CDH4: variants seen among roughly 807,000 people sequenced by gnomAD.
CDH4 encodes the protein cadherin-4.
A neutral mutation model predicts 86.0 loss-of-function variants in CDH4; 33 were observed. The observed-to-expected ratio is 0.38, with a 90% confidence interval of 0.29 to 0.51. CDH4 has a LOEUF of 0.51. Among genes scored for constraint, CDH4 ranks in the 20% least tolerant of loss-of-function variants. The probability of loss-of-function intolerance (pLI) is 0.86; values close to 1 mark genes in which losing one functional copy is unlikely to be tolerated. For missense variants in CDH4, 1,114 were observed against 1,307.4 expected (o/e 0.85, Z 2.28); for synonymous variants, 555 against 549.4 (o/e 1.01, Z -0.14).
At chr20:61,360,273 C>T (rs1191122061) in intron 2 of CDH4, among the ~76,000 whole-genome samples, 1 of 152,202 alleles carries the variant, frequency 6.6e-6, no homozygotes, top group African/African-American at 2.4e-5. Context: ...CCTTGAGGAT[C>T]TTTCCAGGGT....
At chr20:61,280,007 G>A (rs546237004) in intron 2 of CDH4, among the ~76,000 whole-genome samples, 49 of 152,274 alleles carry the variant, frequency 3.2e-4, no homozygotes, top group Middle Eastern at 3.4e-3. Context: ...TGACTCCATC[G>A]GTGGGGTTGC....
chr20:61,739,889 T>C (rs1221742049), intron 2 of CDH4, among the ~76,000 whole-genome samples: 1 of 152,210 alleles, frequency 6.6e-6, no homozygotes, highest in East Asian at 1.9e-4. Flanking sequence ...TCCAGCCACA[T>C]TCGTAGAGAG....
intron 2 of CDH4, among the ~76,000 whole-genome samples, chr20:61,301,192 G>A (rs13041598): frequency 6.6e-6 from 1 of 152,248 alleles, no homozygotes; most frequent in East Asian, 1.9e-4. Flanking sequence ...GTGGTCACTA[G>A]AAAGTGAAGG....
intron 2 of CDH4, among the ~76,000 whole-genome samples, chr20:61,583,528 G>A (rs1390664467): frequency 6.6e-6 from 1 of 152,170 alleles, no homozygotes; most frequent in African/African-American, 2.4e-5. Context: ...CAGCTGCGAG[G>A]TGGAGCTGAG....
At chr20:61,448,733 G>A (rs922585453) in intron 2 of CDH4, among the ~76,000 whole-genome samples, 4 of 152,004 alleles carry the variant, frequency 2.6e-5, no homozygotes, top group African/African-American at 4.8e-5. Context: ...ACTTTTCCTC[G>A]CGTGCACGTG....
intron 2 of CDH4, among the ~76,000 whole-genome samples, chr20:61,521,613 C>T (rs2085869598): frequency 6.6e-6 from 1 of 152,152 alleles, no homozygotes; most frequent in Non-Finnish European, 1.5e-5. Flanking sequence ...TCAACAAGGT[C>T]GAGGAGTCAC....
At chr20:61,694,792 G>A (rs113672969) in intron 2 of CDH4, among the ~76,000 whole-genome samples, 40 of 152,192 alleles carry the variant, frequency 2.6e-4, no homozygotes, top group African/African-American at 8.9e-4. Context: ...ATTAGCAGGC[G>A]GTTTTCTCCT....
At chr20:61,723,851 G>T (rs1356102528) in intron 2 of CDH4, among the ~76,000 whole-genome samples, 1 of 152,238 alleles carries the variant, frequency 6.6e-6, no homozygotes, top group Admixed American at 6.5e-5. Flanking sequence ...AGCCAGACGT[G>T]CAAGCGGCTG....
rs1568731961 is a variant in CDH4 at position 61,647,550 on chromosome 20, T to TCTCTCC, written c.170-96012_170-96011insTCTCCC. 2.0e-4 allele frequency among the ~76,000 whole-genome samples: 22 copies of TCTCTCC among 107,936 alleles called. 1 individual carries two copies. The highest frequency in any genetic ancestry group is 5.4e-4 in the African/African-American group (16 of 29,484). The allele number at this position is 107,936 out of a possible 152,430, so 70.8% of individuals were successfully genotyped here. A position where few individuals can be genotyped will look rare whatever the true frequency, so the allele number is the denominator to read the frequency against. ...TTCTCTCTCCCTCTCCCTCTCCCTC[T>TCTCTCC]CCCTCTCCCTCTCCCTCTCCCTCCC... On this transcript the variant is annotated intron_variant, in intron 2 of 15. Coordinates refer to ENST00000614565, the MANE Select transcript of CDH4 (RefSeq NM_001794.5).
chr20:61,656,837 C>A (rs138760423), intron 2 of CDH4, among the ~76,000 whole-genome samples: 372 of 152,310 alleles, frequency 2.4e-3, no homozygotes, highest in African/African-American at 8.7e-3. Flanking sequence ...TGTGAAAGGA[C>A]AGAACCAGCC....
At position 61,873,709 on chromosome 20, in the gene CDH4, G is replaced by T; in HGVS notation, c.878-19G>T. The T allele has an allele frequency of 6.2e-7, 1 of 1,607,996 alleles. No homozygotes were observed. Reference sequence around the variant, plus strand: ...TGTGTGGCAGGCCATCCCCATCTGAGCTGCTGTCTCCGTTCCAGGCACCTA... The same window carrying T: ...TGTGTGGCAGGCCATCCCCATCTGATCTGCTGTCTCCGTTCCAGGCACCTA... On this transcript the variant is annotated intron_variant, in intron 6 of 15. Transcript: ENST00000614565.
intron 2 of CDH4, among the ~76,000 whole-genome samples, chr20:61,439,551 T>C (rs375581842): frequency 6.6e-6 from 1 of 152,248 alleles, no homozygotes; most frequent in East Asian, 1.9e-4. Context: ...TTCAGCCTTC[T>C]GATGGCATAG....
At chr20:61,688,658 G>A (rs532679454) in intron 2 of CDH4, among the ~76,000 whole-genome samples, 4 of 152,356 alleles carry the variant, frequency 2.6e-5, no homozygotes, top group Admixed American at 6.5e-5. Context: ...TCGGGCCCAC[G>A]CTATAACCAT....
intron 4 of CDH4, among the ~76,000 whole-genome samples, chr20:61,800,947 G>C (rs1215427894): frequency 6.6e-6 from 1 of 152,224 alleles, no homozygotes; most frequent in African/African-American, 2.4e-5. Flanking sequence ...GTAGGCCTGG[G>C]CATGGCTGCA....
chr20:61,614,904 C>T (rs570479536), intron 2 of CDH4, among the ~76,000 whole-genome samples: 2 of 151,962 alleles, frequency 1.3e-5, no homozygotes, highest in Non-Finnish European at 2.9e-5. Flanking sequence ...CACTGACTCC[C>T]AGCCCAGCCT....
chr20:61,651,372 A>G (rs1427785016), intron 2 of CDH4, among the ~76,000 whole-genome samples: 1 of 152,238 alleles, frequency 6.6e-6, no homozygotes. Context: ...ACCCAAAGGC[A>G]CATGTCCCAG....
chr20:61,515,616 A>G (rs1009150681), intron 2 of CDH4, among the ~76,000 whole-genome samples: 3 of 152,182 alleles, frequency 2.0e-5, no homozygotes, highest in African/African-American at 7.2e-5. Flanking sequence ...TCCACCAGTT[A>G]GAGGTGTCAC....
chr20:61,462,866 A>G (rs2085451532), intron 2 of CDH4, among the ~76,000 whole-genome samples: 1 of 152,148 alleles, frequency 6.6e-6, no homozygotes, highest in Non-Finnish European at 1.5e-5. Flanking sequence ...TGGGCACCTC[A>G]CCCGTCAGTC....
chr20:61,868,954 G>A (rs1983675852), intron 6 of CDH4, among the ~76,000 whole-genome samples: 1 of 152,100 alleles, frequency 6.6e-6, no homozygotes, highest in South Asian at 2.1e-4. Context: ...CACACACAAA[G>A]CCTCTAGACG....
Sources: allele counts gnomAD v4.1 joint callset (sites outside exome capture counted in the v4.1 genomes callset), GRCh38; gene constraint gnomAD v4.1.1; transcripts MANE v1.5; gene names NCBI Gene and HGNC (gene_info 2026-07-23, HGNC 2026-07-21).